The following NRXN1 variants were observed in gnomAD, a reference collection of about 807,000 sequenced individuals.
NRXN1 encodes neurexin 1, also known as neurexin-1.
NRXN1 carries 39 observed loss-of-function variants against 150.9 expected under a neutral mutation model. The ratio of observed to expected loss-of-function variants is 0.26; its 90% CI spans 0.20 to 0.34. The LOEUF is 0.34. Ranked by LOEUF, NRXN1 falls within the 10% of genes least tolerant of loss-of-function variation. NRXN1 has a pLI of 1.00. For synonymous variants in NRXN1, 924 were observed against 757.0 expected (o/e 1.22, Z -3.62); for missense variants, 1,815 against 1,949.9 (o/e 0.93, Z 1.30).
chr2:50,669,162 C>G (rs1268679087), intron 5 of NRXN1, among the ~76,000 whole-genome samples: 1 of 151,880 alleles, frequency 6.6e-6, no homozygotes, highest in Non-Finnish European at 1.5e-5. Flanking sequence ...GGGATTTAAG[C>G]TCTGAGCATG....
intron 17 of NRXN1, among the ~76,000 whole-genome samples, chr2:50,353,836 C>G (rs1013054176): frequency 2.0e-5 from 3 of 152,106 alleles, no homozygotes; most frequent in African/African-American, 7.2e-5. Context: ...GTTGCTCAAA[C>G]TTTAGTGTGC....
intron 19 of NRXN1, among the ~76,000 whole-genome samples, chr2:50,056,537 T>C (rs926299779): frequency 2.0e-5 from 3 of 152,166 alleles, no homozygotes; most frequent in East Asian, 1.9e-4. Flanking sequence ...AATAATATTT[T>C]ATAATGTGGG....
At chr2:49,957,780 A>G (rs1408065135) in intron 21 of NRXN1, among the ~76,000 whole-genome samples, 1 of 152,174 alleles carries the variant, frequency 6.6e-6, no homozygotes, top group Non-Finnish European at 1.5e-5. Context: ...GGTCAGATGT[A>G]CAGTACCAAA....
intron 5 of NRXN1, chr2:50,637,521 C>T (rs968931947): frequency 6.6e-6 from 1 of 152,196 alleles, no homozygotes; most frequent in Non-Finnish European, 1.5e-5. Context: ...TGAGGTAACT[C>T]ACAGAATAGA....
intron 5 of NRXN1, among the ~76,000 whole-genome samples, chr2:50,828,541 C>T (rs1185305092): frequency 4.7e-5 from 7 of 148,770 alleles, no homozygotes; most frequent in South Asian, 2.2e-4. Context: ...CGCTCCTCAC[C>T]TCCCAGACGG....
At chr2:50,318,670 A>G (rs2075798248) in intron 17 of NRXN1, among the ~76,000 whole-genome samples, 1 of 152,204 alleles carries the variant, frequency 6.6e-6, no homozygotes, top group African/African-American at 2.4e-5. Context: ...ATGAAGGAAT[A>G]AAACTACTAT....
intron 10 of NRXN1, among the ~76,000 whole-genome samples, chr2:50,534,671 T>C (rs2093207772): frequency 6.6e-6 from 1 of 152,176 alleles, no homozygotes; most frequent in African/African-American, 2.4e-5. Context: ...AGTGTAAAAG[T>C]CATTATCATG....
chr2:50,113,136 C>G (rs1305718915), intron 18 of NRXN1, among the ~76,000 whole-genome samples: 1 of 152,246 alleles, frequency 6.6e-6, no homozygotes, highest in South Asian at 2.1e-4. Context: ...ATTTTTGCAA[C>G]ACATCCTTCA....
chr2:50,473,981 A>C (rs1188767981), intron 15 of NRXN1, among the ~76,000 whole-genome samples: 2 of 151,964 alleles, frequency 1.3e-5, no homozygotes. Flanking sequence ...CCTTGACCTA[A>C]CTAAAACTTA....
Position 50,538,328 on chromosome 2 carries a change from T to G in NRXN1, c.2068A>C (p.Met690Leu). The G allele has an allele frequency of 6.2e-7, 1 of 1,613,982 alleles. No individual in the cohort carries two copies. The highest frequency in any genetic ancestry group is 8.5e-7 in the Non-Finnish European group (1 of 1,179,858). The change falls in exon 10 of 23, where the codon ATG becomes CTG. Residue 690 changes from methionine to leucine, a missense_variant. Physicochemically the swap from Met to Leu is conservative, Grantham distance 15. Transcript: ENST00000401669. ...CLSNPCKNNG[M>L]CRDGWNRYVC... ...TATCTGTTCCACCCATCCCTGCACA[T>G]GCCATTGTTTTTGCAAGGGTTGCTA...
intron 5 of NRXN1, among the ~76,000 whole-genome samples, chr2:50,702,395 A>G (rs908810902): frequency 2.6e-5 from 4 of 152,066 alleles, no homozygotes; most frequent in African/African-American, 9.7e-5. Context: ...TGTATTCAGC[A>G]TATGTAAAAC....
At chr2:50,990,542 G>T (rs1558545742) in intron 2 of NRXN1, among the ~76,000 whole-genome samples, 7 of 151,994 alleles carry the variant, frequency 4.6e-5, no homozygotes. Context: ...ATGTTGCTCT[G>T]AAGAGTACAG....
At chr2:50,660,705 C>T (rs74798611) in intron 5 of NRXN1, among the ~76,000 whole-genome samples, 10,500 of 152,088 alleles carry the variant, frequency 0.069, 464 homozygotes, top group Non-Finnish European at 0.1. Context: ...TTCCAGGAAG[C>T]AGGCCAGTGC....
intron 17 of NRXN1, among the ~76,000 whole-genome samples, chr2:50,266,617 T>A (rs910593226): frequency 1.3e-5 from 2 of 150,132 alleles, no homozygotes; most frequent in African/African-American, 2.5e-5. Flanking sequence ...CGTTTGAAAA[T>A]GGTAATAAGA....
At chr2:50,332,290 A>G (rs963302240) in intron 17 of NRXN1, among the ~76,000 whole-genome samples, 1 of 152,190 alleles carries the variant, frequency 6.6e-6, no homozygotes, top group African/African-American at 2.4e-5. Context: ...TTATTTAGAA[A>G]TCTTTCTACA....
rs78552012 is a variant in NRXN1, at chr2:50,006,190, C to T, written c.4128+47081G>A. On this transcript the variant is annotated intron_variant, in intron 21 of 22. Transcript: ENST00000401669. ...AATGGCCAATTAATTCCTCTTGTTT[C>T]GGCAATGTTCCTCTTGCCTACACAA... Among the ~76,000 whole-genome samples the T allele has an allele frequency of 4.7e-3, 716 of 152,202 alleles. 6 individuals carry two copies. Among genetic ancestry groups the T allele is most frequent in the African/African-American group, 0.016 (652 of 41,536 alleles).
chr2:50,646,856 A>G (rs1458416445), intron 5 of NRXN1, among the ~76,000 whole-genome samples: 1 of 151,504 alleles, frequency 6.6e-6, no homozygotes, highest in Non-Finnish European at 1.5e-5. Flanking sequence ...ACAACTCTTG[A>G]TTGCATCTGA....
chr2:50,953,080 G>T (rs1448247014), intron 2 of NRXN1, among the ~76,000 whole-genome samples: 1 of 152,106 alleles, frequency 6.6e-6, no homozygotes, highest in South Asian at 2.1e-4. Flanking sequence ...AGACTGAATG[G>T]GAGATTTAAG....
intron 22 of NRXN1, among the ~76,000 whole-genome samples, chr2:49,924,713 A>C (rs1668790340): frequency 6.6e-6 from 1 of 152,190 alleles, no homozygotes; most frequent in East Asian, 1.9e-4. Context: ...CAAAACCCAG[A>C]TGTAAATCCC....
Sources: gnomAD v4.1 joint callset for allele counts (sites outside exome capture counted in the v4.1 genomes callset) on GRCh38, gnomAD v4.1.1 for gene constraint, MANE v1.5 for transcripts, NCBI Gene and HGNC (gene_info 2026-07-23, HGNC 2026-07-21) for gene names.